The following LRP1B variants were observed in gnomAD, a reference collection of about 807,000 sequenced individuals.
LRP1B encodes the protein low-density lipoprotein receptor-related protein 1B.
A neutral mutation model predicts 556.6 loss-of-function variants in LRP1B; 217 were observed. The observed-to-expected ratio is 0.39, with a 90% confidence interval of 0.35 to 0.44. The LOEUF is 0.44. Among genes scored for constraint, LRP1B ranks in the 20% least tolerant of loss-of-function variants. The pLI, the probability that LRP1B is intolerant of heterozygous loss-of-function variation, is 1.00. For missense variants in LRP1B, 5,053 were observed against 5,620.8 expected (o/e 0.90, Z 3.23); for synonymous variants, 2,047 against 1,865.8 (o/e 1.10, Z -2.50).
intron 23 of LRP1B, among the ~76,000 whole-genome samples, chr2:140,888,850 C>A (rs1693715469): frequency 1.3e-5 from 2 of 151,130 alleles, no homozygotes; most frequent in South Asian, 2.1e-4. Context: ...GTAATCCCAG[C>A]TACTCAGGAG....
In LRP1B at chr2:140,460,510, ATT is replaced by A. The variant is rs896889753; in HGVS notation, c.9626-2861_9626-2860del. Among the ~76,000 whole-genome samples, 23 of 152,196 alleles carry A rather than the reference ATT, an allele frequency of 1.5e-4. 1 individual carries two copies. The highest frequency in any genetic ancestry group is 5.6e-4 in the African/African-American group (23 of 41,428). On this transcript the variant is annotated intron_variant, in intron 60 of 90. Coordinates refer to ENST00000389484, the MANE Select transcript of LRP1B (RefSeq NM_018557.3). ...TTGCCTAAAAATGATGATGACTATC[ATT>A]TTTAAGAGAAAAGTTATATGACCAG...
At chr2:140,649,913 G>C (rs992982925) in intron 41 of LRP1B, among the ~76,000 whole-genome samples, 13 of 152,078 alleles carry the variant, frequency 8.5e-5, no homozygotes, top group Non-Finnish European at 1.8e-4. Flanking sequence ...CTATATTTTT[G>C]TGGTAAAAAT....
At chr2:141,586,066 T>C (rs1191313471) in intron 2 of LRP1B, among the ~76,000 whole-genome samples, 1 of 152,176 alleles carries the variant, frequency 6.6e-6, no homozygotes, top group Non-Finnish European at 1.5e-5. Flanking sequence ...AAATGCATCT[T>C]AGGAAGTAAT....
chr2:141,505,681 C>T (rs1424349019), intron 2 of LRP1B, among the ~76,000 whole-genome samples: 1 of 151,904 alleles, frequency 6.6e-6, no homozygotes, highest in Non-Finnish European at 1.5e-5. Flanking sequence ...TTGAAATGGA[C>T]AAAATATTCT....
At chr2:141,597,441 G>T (rs183342908) in intron 2 of LRP1B, among the ~76,000 whole-genome samples, 1 of 151,974 alleles carries the variant, frequency 6.6e-6, no homozygotes, top group Non-Finnish European at 1.5e-5. Flanking sequence ...ACCCCTTCTC[G>T]CTAATAACAT....
chr2:140,686,172 G>T (rs1377746535), intron 41 of LRP1B, among the ~76,000 whole-genome samples: 1 of 152,076 alleles, frequency 6.6e-6, no homozygotes, highest in Non-Finnish European at 1.5e-5. Context: ...AGGACAGGGT[G>T]GATTTAAGGT....
intron 7 of LRP1B, among the ~76,000 whole-genome samples, chr2:141,099,858 G>A (rs1415418502): frequency 6.6e-6 from 1 of 152,050 alleles, no homozygotes; most frequent in Non-Finnish European, 1.5e-5. Context: ...ATTTTCTATA[G>A]TTTTTAATAG....
intron 83 of LRP1B, among the ~76,000 whole-genome samples, chr2:140,312,293 TTAGGAG>T (rs1684335905): frequency 6.6e-6 from 1 of 151,910 alleles, no homozygotes; most frequent in Non-Finnish European, 1.5e-5. Flanking sequence ...ACTCCAAACT[TTAGGAG>T]TAGAAGAAAG....
intron 31 of LRP1B, among the ~76,000 whole-genome samples, chr2:140,815,315 T>C (rs1691075371): frequency 6.6e-6 from 1 of 152,030 alleles, no homozygotes; most frequent in African/African-American, 2.4e-5. Context: ...GACCCTCTTT[T>C]TTTTTCCTGA....
chr2:140,530,515 G>T (rs1387724315), intron 47 of LRP1B, among the ~76,000 whole-genome samples: 1 of 152,022 alleles, frequency 6.6e-6, no homozygotes, highest in Non-Finnish European at 1.5e-5. Flanking sequence ...TCTATATCTT[G>T]AAAGGTACTC....
intron 55 of LRP1B, 60 bp from the exon 56 acceptor site, chr2:140,495,808 GAT>G: frequency 1.4e-6 from 2 of 1,400,018 alleles, no homozygotes; most frequent in Non-Finnish European, 2.0e-6. Flanking sequence ...TTTACTTTTG[GAT>G]ATCTCTTTAG....
chr2:141,475,769 C>T (rs557683022), intron 3 of LRP1B, among the ~76,000 whole-genome samples: 1 of 152,054 alleles, frequency 6.6e-6, no homozygotes, highest in African/African-American at 2.4e-5. Context: ...TGGGGATGGT[C>T]AGAGAGGAGA....
intron 3 of LRP1B, among the ~76,000 whole-genome samples, chr2:141,473,395 C>A (rs1308234190): frequency 6.6e-6 from 1 of 152,062 alleles, no homozygotes; most frequent in Non-Finnish European, 1.5e-5. Context: ...AAGGATGAAA[C>A]ACCTATAGAA....
chr2:140,233,343 AT>A lies in LRP1B; in HGVS notation c.13660-18del, dbSNP rs780065422. ...ATTTGTTGGCTGAAGGAGAAAAAAA[AT>A]AAATATAATTTTATTACTGGTCTTG... On this transcript the variant is annotated intron_variant, in intron 90 of 90. Transcript: ENST00000389484. 1.7e-5 allele frequency: 27 copies of A among 1,547,500 alleles called. No individual in the cohort carries two copies. Among genetic ancestry groups the A allele is most frequent in the Admixed American group, 7.6e-5 (4 of 52,450 alleles).
intron 68 of LRP1B, among the ~76,000 whole-genome samples, chr2:140,376,309 C>A (rs1683226592): frequency 6.6e-6 from 1 of 152,084 alleles, no homozygotes; most frequent in Non-Finnish European, 1.5e-5. Context: ...TTCGCATATG[C>A]ACTTTGCATA....
At chr2:140,524,355 A>T (rs927730055) in intron 49 of LRP1B, among the ~76,000 whole-genome samples, 6 of 151,960 alleles carry the variant, frequency 3.9e-5, no homozygotes, top group South Asian at 2.1e-4. Flanking sequence ...AAAAAGAAAC[A>T]CTTATACACT....
chr2:141,145,719 G>C (rs1701765394), intron 7 of LRP1B, among the ~76,000 whole-genome samples: 1 of 151,508 alleles, frequency 6.6e-6, no homozygotes, highest in African/African-American at 2.4e-5. Flanking sequence ...TTTTAGTAGA[G>C]ACCGGGTTTC....
At chr2:141,440,689 G>C (rs777138060) in intron 3 of LRP1B, among the ~76,000 whole-genome samples, 2 of 152,178 alleles carry the variant, frequency 1.3e-5, no homozygotes, top group African/African-American at 4.8e-5. Context: ...TCTCCAACTG[G>C]GTTAACTGGA....
intron 1 of LRP1B, among the ~76,000 whole-genome samples, chr2:141,826,459 A>T (rs1412766273): frequency 7.0e-6 from 1 of 143,208 alleles, no homozygotes; most frequent in African/African-American, 2.6e-5. Flanking sequence ...TCCTGGGTTC[A>T]CGCCATTCTC....
Sources: gnomAD v4.1 joint callset for allele counts (sites outside exome capture counted in the v4.1 genomes callset) on GRCh38, gnomAD v4.1.1 for gene constraint, MANE v1.5 for transcripts, NCBI Gene and HGNC (gene_info 2026-07-23, HGNC 2026-07-21) for gene names.